Variants in ATP7A observed in about 807,000 individuals in gnomAD.
The protein encoded by ATP7A is copper-transporting ATPase 1.
In ATP7A, 7 loss-of-function variants were observed where a neutral mutation model predicts 83.5. The ratio of observed to expected loss-of-function variants is 0.08; its 90% CI spans 0.05 to 0.16. The LOEUF is 0.16. ATP7A is among the 10% of genes least tolerant of loss of function. ATP7A has a pLI of 1.00. For missense variants in ATP7A, 940 were observed against 1,120.8 expected (o/e 0.84, Z 2.30); for synonymous variants, 354 against 395.2 (o/e 0.90, Z 1.24).
intron 7 of ATP7A, among the ~76,000 whole-genome samples, chrX:78,009,767 G>A (rs2077804346): frequency 8.9e-6 from 1 of 111,985 alleles, no homozygotes; most frequent in South Asian, 3.7e-4. Context: ...AGACCATCCT[G>A]GGCAATGTAG....
intron 6 of ATP7A, among the ~76,000 whole-genome samples, chrX:78,004,975 G>T (rs2077763937): frequency 1.8e-5 from 2 of 111,834 alleles, no homozygotes; most frequent in South Asian, 7.4e-4. Flanking sequence ...CAGCTACTTG[G>T]GAGGCTGAGG....
At chrX:78,010,532 A>G (rs2077812235) in intron 7 of ATP7A, among the ~76,000 whole-genome samples, 1 of 98,870 alleles carries the variant, frequency 1.0e-5, no homozygotes, top group South Asian at 4.9e-4. Context: ...AATACTGCAT[A>G]TGCAAGGCCT....
At chrX:77,989,212 A>G in intron 3 of ATP7A, 21 bp from the exon 4 acceptor site, 1 of 1,191,785 alleles carries the variant, frequency 8.4e-7, no homozygotes, top group Non-Finnish European at 1.1e-6. Flanking sequence ...TGAATTAATT[A>G]TATTTCTTTT....
chrX:78,027,136 A>G (rs1557236433), intron 14 of ATP7A, among the ~76,000 whole-genome samples: 1 of 107,510 alleles, frequency 9.3e-6, no homozygotes, highest in Non-Finnish European at 1.9e-5. Flanking sequence ...GGCAACAAGA[A>G]CAAAACTCCG....
In ATP7A at chrX:78,043,427, A is replaced by T; in HGVS notation, c.4116A>T (p.Ile1372=). ...TTTATAATCTGGTTGGAATTCCCAT[A>T]GCTGCTGGTATGTGACTCTTAACTA... ...ALIYNLVGIP[I]AAGVFMPIGL... is the part of the protein sequence containing the mutation. The change falls in exon 21 of 23, where the codon ATA becomes ATT. Residue 1372 remains isoleucine (I), a synonymous_variant. Transcript: ENST00000341514. 8.4e-7 allele frequency: 1 copy of T among 1,193,713 alleles called. No homozygotes were observed. The highest frequency in any genetic ancestry group is 1.8e-5 in the South Asian group (1 of 56,543).
intron 6 of ATP7A, among the ~76,000 whole-genome samples, chrX:78,008,708 A>T (rs1557234010): frequency 9.0e-6 from 1 of 111,101 alleles, no homozygotes; most frequent in Non-Finnish European, 1.9e-5. Flanking sequence ...TCTAAAGCAT[A>T]CTAGTAGTGC....
intron 1 of ATP7A, among the ~76,000 whole-genome samples, chrX:77,931,539 A>T (rs1386443200): frequency 8.9e-6 from 1 of 112,410 alleles, no homozygotes; most frequent in Non-Finnish European, 1.9e-5. Flanking sequence ...TACACCTCCC[A>T]GAGGGGGTGG....
At position 78,042,746 on chromosome X, in the gene ATP7A, C is replaced by G; in HGVS notation, c.3963C>G (p.Gly1321=). The part of the protein sequence containing the change: ...MANVGIAIGT[G]TDVAIEAADV... ...ATGTGGGAATTGCTATTGGCACAGG[C>G]ACAGATGTAGCCATTGAAGCAGCTG... Residue 1321 remains glycine (G), a synonymous_variant, in exon 20 of 23, where the codon GGC becomes GGG. Coordinates refer to ENST00000341514, the MANE Select transcript of ATP7A (RefSeq NM_000052.7). 8.3e-7 allele frequency: 1 copy of G among 1,211,514 alleles called. No homozygotes were observed. The highest frequency in any genetic ancestry group is 1.1e-6 in the Non-Finnish European group (1 of 895,556).
chrX:77,993,030 T>G (rs1281481424), intron 4 of ATP7A, among the ~76,000 whole-genome samples: 4 of 112,781 alleles, frequency 3.5e-5, no homozygotes, highest in Non-Finnish European at 5.6e-5. Context: ...TAAAATACTT[T>G]GATATGCATA....
chrX:77,956,927 GCTGGGAATACAGGTGTGTGCCACTACAC>G (rs1318300600), intron 1 of ATP7A, among the ~76,000 whole-genome samples: 1 of 108,447 alleles, frequency 9.2e-6, no homozygotes, highest in Non-Finnish European at 1.9e-5. Flanking sequence ...CCCCCAGGTA[GCTGGGAATACAGGTGTGTGCCACTACAC>G]CTGGCTAATT....
At chrX:78,010,646 C>G (rs2077814607) in intron 7 of ATP7A, among the ~76,000 whole-genome samples, 1 of 83,063 alleles carries the variant, frequency 1.2e-5, no homozygotes, top group Non-Finnish European at 2.1e-5. Context: ...GTGGTGCGAT[C>G]TCAGCTCACT....
intron 5 of ATP7A, 135 bp downstream of exon 5, chrX:77,998,819 A>T: frequency 1.5e-6 from 1 of 681,930 alleles, no homozygotes. Flanking sequence ...GTGTGGGACA[A>T]CCCCGATGTC....
intron 11 of ATP7A, 26 bp from the exon 12 acceptor site, chrX:78,015,728 T>C: frequency 1.7e-6 from 2 of 1,210,655 alleles, no homozygotes; most frequent in Middle Eastern, 2.3e-4. Flanking sequence ...ATTATCATGG[T>C]GCTTTTTATG....
intron 12 of ATP7A, among the ~76,000 whole-genome samples, chrX:78,019,073 C>G (rs1484638849): frequency 8.9e-6 from 1 of 112,073 alleles, no homozygotes; most frequent in African/African-American, 3.2e-5. Context: ...GGTGGGGACA[C>G]AGAGCCAAAC....
chrX:78,024,033 C>A (rs892082559), intron 14 of ATP7A, among the ~76,000 whole-genome samples: 2 of 111,303 alleles, frequency 1.8e-5, no homozygotes, highest in Non-Finnish European at 3.8e-5. Flanking sequence ...GTTTTCCCAG[C>A]ACCATATATT....
chrX:77,916,975 G>A (rs782494558), intron 1 of ATP7A, among the ~76,000 whole-genome samples: 2 of 111,516 alleles, frequency 1.8e-5, no homozygotes, highest in Non-Finnish European at 3.8e-5. Context: ...CATGAAGGAG[G>A]TGGGACTTCA....
At chrX:77,961,765 C>T (rs1485863319) in intron 1 of ATP7A, among the ~76,000 whole-genome samples, 1 of 111,245 alleles carries the variant, frequency 9.0e-6, no homozygotes, top group African/African-American at 3.3e-5. Flanking sequence ...ATCCTGGACT[C>T]GCCACCTGAA....
intron 1 of ATP7A, among the ~76,000 whole-genome samples, chrX:77,960,405 GCAAAA>G (rs1231642278): frequency 1.3e-4 from 14 of 111,791 alleles, no homozygotes; most frequent in African/African-American, 1.9e-4. Flanking sequence ...AAAAGCAACA[GCAAAA>G]CAAAACAAAA....
At chrX:77,974,808 G>C (rs905563551) in intron 2 of ATP7A, 27 of 294,704 alleles carry the variant, frequency 9.2e-5, no homozygotes, top group African/African-American at 5.5e-4. Flanking sequence ...GCATTCCCAG[G>C]GTAAGCCTCA....
Sources: allele counts gnomAD v4.1 joint callset (sites outside exome capture counted in the v4.1 genomes callset), GRCh38; gene constraint gnomAD v4.1.1; transcripts MANE v1.5; gene names NCBI Gene and HGNC (gene_info 2026-07-23, HGNC 2026-07-21).